The following MACROH2A2 variants were observed in gnomAD, a reference collection of about 807,000 sequenced individuals.
MACROH2A2 encodes the protein core histone macro-H2A.2.
In MACROH2A2, 6 loss-of-function variants were observed where a neutral mutation model predicts 37.6. The observed-to-expected ratio is 0.16, with a 90% CI of 0.09 to 0.32. MACROH2A2 has a LOEUF of 0.32. Among genes scored for constraint, MACROH2A2 ranks in the 10% least tolerant of loss-of-function variants. MACROH2A2 has a pLI of 1.00. For missense variants in MACROH2A2, 290 were observed against 485.9 expected (o/e 0.60, Z 3.79); for synonymous variants, 192 against 202.7 (o/e 0.95, Z 0.45).
At chr10:70,084,639 T>C (rs1472969052) in intron 2 of MACROH2A2, among the ~76,000 whole-genome samples, 6 of 152,178 alleles carry the variant, frequency 3.9e-5, no homozygotes, top group Non-Finnish European at 8.8e-5. Flanking sequence ...TAAGTTTTTG[T>C]TGCCCAGGCT....
At chr10:70,079,562 C>T (rs936454555) in intron 2 of MACROH2A2, among the ~76,000 whole-genome samples, 3 of 125,704 alleles carry the variant, frequency 2.4e-5, no homozygotes, top group East Asian at 2.4e-4. Flanking sequence ...CGCGCGCGCG[C>T]GCGCACACAC....
intron 6 of MACROH2A2, 121 bp downstream of exon 6, chr10:70,095,874 C>A: frequency 3.4e-6 from 2 of 596,302 alleles, no homozygotes; most frequent in East Asian, 2.9e-5. Flanking sequence ...CAAGCTCTGT[C>A]TTTATGTGTA....
chr10:70,108,841 T>A (rs547286898), intron 7 of MACROH2A2, among the ~76,000 whole-genome samples, 192 bp from the exon 8 acceptor site: 1 of 150,474 alleles, frequency 6.6e-6, no homozygotes, highest in South Asian at 2.1e-4. Flanking sequence ...AAGCTTGTGC[T>A]AACTGTGCAA....
In MACROH2A2 at chr10:70,075,696, T is replaced by G; in HGVS notation, c.38T>G (p.Leu13Arg). The change falls in exon 2 of 9, where the codon CTG becomes CGG. Residue 13 changes from leucine to arginine, a missense_variant. Around this residue, in one of 3 missense-constraint regions of MACROH2A2, gnomAD observed 83 missense variants for 159.9 expected, o/e 0.52. Transcript: ENST00000373255. The surrounding 1 kb of genome is among the most constrained non-coding windows in gnomAD (Gnocchi z 5.0). ...GRSGKKKMSK[L>R]SRSARAGVIF... ...AGTGGGAAGAAGAAAATGTCCAAGC[T>G]GTCCCGTTCAGCTAGGGCAGGTGTC... 6.2e-7 allele frequency: 1 copy of G among 1,614,202 alleles called. No homozygotes were observed. The highest frequency in any genetic ancestry group is 8.5e-7 in the Non-Finnish European group (1 of 1,180,042).
intron 2 of MACROH2A2, among the ~76,000 whole-genome samples, chr10:70,078,807 T>C (rs1054986546): frequency 1.3e-5 from 2 of 152,246 alleles, no homozygotes; most frequent in African/African-American, 2.4e-5. Flanking sequence ...ATTAGTGGAA[T>C]TGCAAGCTAC....
At chr10:70,070,099 G>A (rs2072100451) in intron 1 of MACROH2A2, among the ~76,000 whole-genome samples, 1 of 152,106 alleles carries the variant, frequency 6.6e-6, no homozygotes, top group South Asian at 2.1e-4. Context: ...AATTCTTACT[G>A]TCCGTGTCCA....
intron 1 of MACROH2A2, among the ~76,000 whole-genome samples, chr10:70,072,136 AAC>A (rs1177582344): frequency 2.0e-5 from 3 of 152,116 alleles, no homozygotes; most frequent in Admixed American, 6.5e-5. Context: ...CTTAGCTTAA[AAC>A]ACAAATACAT....
chr10:70,072,913 C>T (rs1313040611), intron 1 of MACROH2A2, among the ~76,000 whole-genome samples: 1 of 152,144 alleles, frequency 6.6e-6, no homozygotes, highest in African/African-American at 2.4e-5. Flanking sequence ...GCCGAGATTG[C>T]ACCACTGCAC....
chr10:70,067,589 CTA>C (rs1208018057), intron 1 of MACROH2A2, among the ~76,000 whole-genome samples: 1 of 152,028 alleles, frequency 6.6e-6, no homozygotes, highest in African/African-American at 2.4e-5. Context: ...CAAAATAAAT[CTA>C]GAGTCAAAAT....
At chr10:70,082,672 GC>G (rs1001974477) in intron 2 of MACROH2A2, among the ~76,000 whole-genome samples, 8 of 152,200 alleles carry the variant, frequency 5.3e-5, no homozygotes, top group African/African-American at 1.9e-4. Flanking sequence ...AAAACATTAT[GC>G]ATGTGAAGGA....
intron 2 of MACROH2A2, among the ~76,000 whole-genome samples, chr10:70,088,033 C>T (rs2072221505): frequency 6.6e-6 from 1 of 152,228 alleles, no homozygotes; most frequent in Non-Finnish European, 1.5e-5. Flanking sequence ...TGCAAAGACT[C>T]ATACAAAGTC....
chr10:70,095,812 C>A, intron 6 of MACROH2A2, 59 bp downstream of exon 6: 1 of 805,772 alleles, frequency 1.2e-6, no homozygotes, highest in Non-Finnish European at 2.2e-6. Context: ...CAGGCAAGTT[C>A]TTGTGAAGCT....
chr10:70,071,025 A>T (rs1016255), intron 1 of MACROH2A2, among the ~76,000 whole-genome samples: 6,438 of 149,952 alleles, frequency 0.043, 167 homozygotes, highest in Non-Finnish European at 0.057. Flanking sequence ...GAGCGCGTGC[A>T]TGTATGCGTG....
chr10:70,111,404 C>A, intron 8 of MACROH2A2, 114 bp from the exon 9 acceptor site: 1 of 881,684 alleles, frequency 1.1e-6, no homozygotes, highest in Non-Finnish European at 1.7e-6. Flanking sequence ...GGAGATCATG[C>A]ATGGACTAGC....
At chr10:70,074,728 CT>C (rs1003699796) in intron 1 of MACROH2A2, among the ~76,000 whole-genome samples, 4 of 152,166 alleles carry the variant, frequency 2.6e-5, no homozygotes, top group African/African-American at 7.2e-5. Flanking sequence ...CTCATTCTCT[CT>C]TGTCTACTGC....
chr10:70,055,784 A>G (rs893147547), intron 1 of MACROH2A2, among the ~76,000 whole-genome samples: 2 of 152,196 alleles, frequency 1.3e-5, no homozygotes, highest in African/African-American at 4.8e-5. Context: ...TCCATTTCTC[A>G]GTATGTCACC....
At chr10:70,102,054 C>A (rs1313070168) in intron 7 of MACROH2A2, among the ~76,000 whole-genome samples, 1 of 152,188 alleles carries the variant, frequency 6.6e-6, no homozygotes, top group Non-Finnish European at 1.5e-5. Context: ...TCAGTTCACT[C>A]CTTGTACCCT....
At chr10:70,061,667 G>A (rs923980464) in intron 1 of MACROH2A2, among the ~76,000 whole-genome samples, 1 of 151,816 alleles carries the variant, frequency 6.6e-6, no homozygotes, top group African/African-American at 2.4e-5. Flanking sequence ...CAAAGAATGT[G>A]CCGGCAGTTG....
chr10:70,076,095 C>A (rs1355439414), intron 2 of MACROH2A2, among the ~76,000 whole-genome samples: 1 of 152,194 alleles, frequency 6.6e-6, no homozygotes, highest in Non-Finnish European at 1.5e-5. Context: ...TAGACCAGTC[C>A]TGCAAAAGAT....
Sources: gnomAD v4.1 joint callset for allele counts (sites outside exome capture counted in the v4.1 genomes callset) on GRCh38, gnomAD v4.1.1 for gene constraint, gnomAD v4.1.1 regional missense constraint, Gnocchi (gnomAD v3.1) non-coding constraint, MANE v1.5 for transcripts, NCBI Gene and HGNC (gene_info 2026-07-23, HGNC 2026-07-21) for gene names.